Variants in ACYP2 observed in about 807,000 individuals in gnomAD.
ACYP2 encodes the protein acylphosphatase-2.
In ACYP2, 12 loss-of-function variants were observed where a neutral mutation model predicts 11.2. That is an observed-to-expected ratio of 1.08 (90% CI 0.69 to 1.74). The LOEUF (loss-of-function observed/expected upper bound fraction) is 1.74, where lower values mean the gene tolerates loss of function less well. ACYP2 is among the 40% of genes most tolerant of loss of function. The probability of loss-of-function intolerance (pLI) is 0.00; values close to 1 mark genes in which losing one functional copy is unlikely to be tolerated. For missense variants in ACYP2, 134 were observed against 101.9 expected, an observed-to-expected ratio of 1.31 and a Z score of -1.35; for synonymous variants, 43 against 32.2, an observed-to-expected ratio of 1.33 and a Z score of -1.13.
intron 6 of ACYP2, among the ~76,000 whole-genome samples, chr2:54,186,645 C>T (rs929819549): frequency 6.6e-6 from 1 of 151,942 alleles, no homozygotes; most frequent in African/African-American, 2.4e-5. Flanking sequence ...TCCCGAGTAG[C>T]TGGGATTACA....
intron 6 of ACYP2, among the ~76,000 whole-genome samples, chr2:54,249,298 T>G (rs74358552): frequency 5.9e-5 from 9 of 152,030 alleles, no homozygotes; most frequent in African/African-American, 2.2e-4. Context: ...ATTGTGCAAA[T>G]TGACTTGTCA....
intron 2 of ACYP2, among the ~76,000 whole-genome samples, chr2:54,034,593 G>A (rs201456728): frequency 2.6e-5 from 4 of 152,280 alleles, no homozygotes; most frequent in Non-Finnish European, 4.4e-5. Flanking sequence ...TTTGCACTAC[G>A]ATGAAATTGC....
intron 2 of ACYP2, chr2:53,973,840 A>G: frequency 4.7e-6 from 1 of 210,714 alleles, no homozygotes; most frequent in Non-Finnish European, 8.9e-6. Flanking sequence ...GGATTTTTGA[A>G]TGTGGGATAT....
intron 4 of ACYP2, among the ~76,000 whole-genome samples, chr2:54,106,154 A>C (rs941843017): frequency 6.6e-6 from 1 of 152,234 alleles, no homozygotes; most frequent in Admixed American, 6.5e-5. Context: ...GTCAATCAGC[A>C]AAATGTTTTT....
intron 3 of ACYP2, among the ~76,000 whole-genome samples, chr2:54,054,957 C>A (rs1158659433): frequency 6.6e-6 from 1 of 152,204 alleles, no homozygotes; most frequent in Non-Finnish European, 1.5e-5. Context: ...TATTTTAATT[C>A]TCTGGCTTTA....
At chr2:54,208,675 ATTAGT>A (rs770657259) in intron 6 of ACYP2, among the ~76,000 whole-genome samples, 48 of 149,224 alleles carry the variant, frequency 3.2e-4, no homozygotes, top group Non-Finnish European at 1.3e-4. Context: ...GCTGATAAGA[ATTAGT>A]TTAGATTTTG....
At chr2:54,079,894 T>C (rs1677554757) in intron 4 of ACYP2, 1 of 152,130 alleles carries the variant, frequency 6.6e-6, no homozygotes, top group African/African-American at 2.4e-5. Context: ...ACAACAATAA[T>C]ATTTTAAATT....
chr2:54,183,505 C>A (rs1406848882), intron 6 of ACYP2, among the ~76,000 whole-genome samples: 1 of 151,254 alleles, frequency 6.6e-6, no homozygotes, highest in East Asian at 1.9e-4. Flanking sequence ...GCACTTCAGC[C>A]TGGGCGACAG....
intron 6 of ACYP2, among the ~76,000 whole-genome samples, chr2:54,232,918 G>T (rs763022992): frequency 1.3e-5 from 2 of 152,098 alleles, no homozygotes; most frequent in Non-Finnish European, 2.9e-5. Context: ...ATGAGATTTG[G>T]GTGGGGACAC....
intron 2 of ACYP2, among the ~76,000 whole-genome samples, chr2:54,035,351 C>T (rs1006371578): frequency 2.0e-5 from 3 of 150,672 alleles, no homozygotes; most frequent in Admixed American, 2.0e-4. Flanking sequence ...CTGCAAGCTC[C>T]GCCTCCCGGG....
intron 4 of ACYP2, among the ~76,000 whole-genome samples, chr2:54,114,904 A>G (rs912402223): frequency 3.3e-5 from 5 of 152,254 alleles, no homozygotes; most frequent in African/African-American, 4.8e-5. Flanking sequence ...CCTTATCTTA[A>G]AAGCTGGCTT....
rs367645786 is a variant in ACYP2 at position 54,276,619 on chromosome 2, T to TCACACACACACACACACAAACACACACA, written c.405-28051_405-28050insAACACACACACACACACACACACACACA. ...TTTTCTTTGGGTTCAGATTGTTCTT[T>TCACACACACACACACACAAACACACACA]CACACACACACACACACACACACAC... is the stretch of plus-strand genomic sequence containing the variant. On this transcript the variant is annotated intron_variant, in intron 6 of 6. Transcript: ENST00000607452. Among the ~76,000 whole-genome samples the TCACACACACACACACACAAACACACACA allele has an allele frequency of 2.2e-3, 324 of 146,210 alleles. 1 individual carries two copies. Among genetic ancestry groups the TCACACACACACACACACAAACACACACA allele is most frequent in the African/African-American group, 7.4e-3 (298 of 40,026 alleles).
intron 2 of ACYP2, among the ~76,000 whole-genome samples, chr2:54,016,796 G>C (rs1387754621): frequency 6.7e-6 from 1 of 150,316 alleles, no homozygotes; most frequent in African/African-American, 2.5e-5. Flanking sequence ...CACGATCTCG[G>C]CTCACTGCAA....
intron 6 of ACYP2, among the ~76,000 whole-genome samples, chr2:54,237,349 G>T (rs531200442): frequency 3.4e-4 from 1 of 2,916 alleles, no homozygotes; most frequent in Non-Finnish European, 4.9e-4. Flanking sequence ...AAAAATTTAG[G>T]TTTATCCACG....
At chr2:54,076,887 T>C (rs78144281) in intron 4 of ACYP2, among the ~76,000 whole-genome samples, 3,506 of 152,316 alleles carry the variant, frequency 0.023, 73 homozygotes, top group Non-Finnish European at 0.032. Context: ...ATTTCACCTC[T>C]GTGAGCCTTA....
At chr2:54,260,321 G>T (rs1443254611) in intron 6 of ACYP2, among the ~76,000 whole-genome samples, 1 of 152,104 alleles carries the variant, frequency 6.6e-6, no homozygotes, top group African/African-American at 2.4e-5. Context: ...AGAGAAGAAG[G>T]TATGAAATAG....
At chr2:54,293,135 G>C (rs994337723) in intron 6 of ACYP2, among the ~76,000 whole-genome samples, 2 of 152,102 alleles carry the variant, frequency 1.3e-5, no homozygotes, top group Non-Finnish European at 2.9e-5. Context: ...TACAGATGAG[G>C]CACTGAGAGT....
intron 2 of ACYP2, among the ~76,000 whole-genome samples, chr2:54,032,523 C>T (rs1056293836): frequency 4.6e-5 from 7 of 152,200 alleles, no homozygotes; most frequent in Non-Finnish European, 1.0e-4. Context: ...GCTTTGGTTA[C>T]TGTAGCTTTG....
At chr2:54,260,614 G>C (rs1431606148) in intron 6 of ACYP2, among the ~76,000 whole-genome samples, 1 of 152,152 alleles carries the variant, frequency 6.6e-6, no homozygotes, top group Admixed American at 6.5e-5. Flanking sequence ...GAAGATTCAG[G>C]GTACTGAAGG....
Sources: allele counts gnomAD v4.1 joint callset (sites outside exome capture counted in the v4.1 genomes callset), GRCh38; gene constraint gnomAD v4.1.1; transcripts MANE v1.5; gene names NCBI Gene and HGNC (gene_info 2026-07-23, HGNC 2026-07-21).